Variants in SYNE2 observed in about 807,000 individuals in gnomAD.
The protein encoded by SYNE2 is nesprin-2.
SYNE2 carries 431 observed loss-of-function variants against 856.3 expected under a neutral mutation model. That is an observed-to-expected ratio of 0.50 (90% CI 0.47 to 0.55). The LOEUF is 0.55. SYNE2 is among the 20% of genes least tolerant of loss of function. SYNE2 has a pLI of 0.00. For missense variants in SYNE2, 8,129 were observed against 8,023.2 expected, an observed-to-expected ratio of 1.01 and a Z score of -0.50; for synonymous variants, 2,923 against 2,872.3, an observed-to-expected ratio of 1.02 and a Z score of -0.56.
intron 1 of SYNE2, among the ~76,000 whole-genome samples, chr14:63,868,054 GAAAA>G (rs749826674): frequency 2.0e-5 from 3 of 150,808 alleles, no homozygotes; most frequent in Admixed American, 6.6e-5. Flanking sequence ...TCTAAAAAAA[GAAAA>G]AAAAGAAAAA....
In SYNE2 at chr14:64,167,609, T is replaced by G. The variant is rs372506361; in HGVS notation, c.16875T>G (p.Pro5625=). The G allele has an allele frequency of 7.9e-5, 127 of 1,614,144 alleles. 1 individual carries two copies. Among genetic ancestry groups the G allele is most frequent in the Non-Finnish European group, 8.8e-5 (104 of 1,180,058 alleles). Residue 5625 remains proline, a synonymous_variant, in exon 92 of 116, where the codon CCT becomes CCG. Transcript: ENST00000555002. ...ALKVDVANSL[P]ELLEQQKTYK... ...AAGTGGATGTGGCTAACAGCCTTCC[T>G]GAGCTCCTGGAGCAGCAGAAAACCT...
Position 64,167,270 on chromosome 14 carries a change from T to C in SYNE2, c.16643T>C (p.Ile5548Thr), listed in dbSNP as rs1055990597. Reference sequence around the variant, plus strand: ...GCACTGACAGCCCAATCACCTGATATTGAACATTTGAATGAAGTGAGCCTC... The same window carrying C: ...GCACTGACAGCCCAATCACCTGATACTGAACATTTGAATGAAGTGAGCCTC... Reference protein sequence around the residue: ...VLALTAQSPDIEHLNEVSLKL... With the variant: ...VLALTAQSPDTEHLNEVSLKL... The change falls in exon 91 of 116, where the codon ATT (isoleucine) becomes ACT (threonine). Residue 5548 changes from isoleucine to threonine, a missense_variant. Around this residue, in one of 3 missense-constraint regions of SYNE2, gnomAD observed 5,410 missense variants for 5,284.8 expected, o/e 1.02. Coordinates refer to ENST00000555002, the MANE Select transcript of SYNE2 (RefSeq NM_182914.3). The C allele has an allele frequency of 6.2e-6, 10 of 1,614,106 alleles. No individual in the cohort carries two copies. Among genetic ancestry groups the C allele is most frequent in the South Asian group, 1.1e-5 (1 of 91,090 alleles).
intron 101 of SYNE2, 200 bp from the exon 102 acceptor site, chr14:64,209,228 A>T: frequency 1.1e-6 from 1 of 945,434 alleles, no homozygotes; most frequent in Non-Finnish European, 1.6e-6. Flanking sequence ...TGGTTTTTTA[A>T]CCTCTGTGAA....
intron 7 of SYNE2, among the ~76,000 whole-genome samples, chr14:63,953,885 A>G (rs1026173844): frequency 2.0e-5 from 3 of 152,108 alleles, no homozygotes; most frequent in African/African-American, 7.2e-5. Context: ...ATGGTTTTTA[A>G]GGTTCCTTCA....
chr14:64,149,197 C>G (rs967810243), intron 84 of SYNE2, among the ~76,000 whole-genome samples: 1 of 151,380 alleles, frequency 6.6e-6, no homozygotes. Flanking sequence ...CCTAGCTACT[C>G]GGGAGCTGAG....
intron 1 of SYNE2, among the ~76,000 whole-genome samples, chr14:63,791,850 C>A (rs1244100921): frequency 7.0e-6 from 1 of 142,452 alleles, no homozygotes; most frequent in African/African-American, 2.6e-5. Flanking sequence ...GAGGCTGAGG[C>A]AGGGGAATGG....
chr14:63,818,344 CAAAAAAAAAA>C (rs34448523), intron 1 of SYNE2, among the ~76,000 whole-genome samples: 2 of 86,564 alleles, frequency 2.3e-5, no homozygotes, highest in Non-Finnish European at 4.5e-5. Context: ...GACTCCGTCT[CAAAAAAAAAA>C]AAAAAAAAAA....
At chr14:63,963,365 C>G (rs1263296884) in intron 9 of SYNE2, among the ~76,000 whole-genome samples, 1 of 152,182 alleles carries the variant, frequency 6.6e-6, no homozygotes, top group Non-Finnish European at 1.5e-5. Context: ...TAAGATATAA[C>G]TTCTTTGTCC....
Position 64,003,123 on chromosome 14 carries a change from C to A in SYNE2, c.4190C>A (p.Thr1397Asn), listed in dbSNP as rs760136466. The change falls in exon 30 of 116, where the codon ACC becomes AAC. Residue 1397 changes from threonine to asparagine, a missense_variant. Physicochemically the swap from Thr to Asn is moderately conservative, Grantham distance 65. Around this residue, in one of 3 missense-constraint regions of SYNE2, gnomAD observed 2,422 missense variants for 2,357.4 expected, o/e 1.03. Transcript: ENST00000555002. ...AAAGATGCTGAACGGGGTGATGACA[C>A]CTCCTGTGAAAACCTGCTTGATGCT... ...SFKDAERGDD[T>N]SCENLLDAFS... 8.1e-6 allele frequency: 13 copies of A among 1,614,140 alleles called. No homozygotes were observed. The highest frequency in any genetic ancestry group is 1.6e-4 in the Middle Eastern group (1 of 6,062).
chr14:64,092,550 G>C (rs937819077), intron 60 of SYNE2, among the ~76,000 whole-genome samples: 5 of 152,170 alleles, frequency 3.3e-5, no homozygotes, highest in African/African-American at 1.2e-4. Flanking sequence ...TAAAATTATA[G>C]TTAAATATTA....
intron 2 of SYNE2, among the ~76,000 whole-genome samples, chr14:63,932,975 T>C (rs558872559): frequency 1.3e-5 from 2 of 152,292 alleles, no homozygotes; most frequent in East Asian, 3.9e-4. Flanking sequence ...AATGTTAGGC[T>C]AAGAATTGAT....
intron 48 of SYNE2, among the ~76,000 whole-genome samples, chr14:64,053,999 T>C (rs1032610313): frequency 2.2e-4 from 33 of 152,126 alleles, no homozygotes; most frequent in Admixed American, 1.8e-3. Context: ...TAAAATAAAA[T>C]TGGGCAGTTA....
At chr14:63,884,850 C>T (rs2094946014) in intron 1 of SYNE2, among the ~76,000 whole-genome samples, 1 of 151,902 alleles carries the variant, frequency 6.6e-6, no homozygotes, top group African/African-American at 2.4e-5. Flanking sequence ...CCGGGTTAGC[C>T]AGGATGGTCT....
chr14:63,811,545 G>A (rs1055762099), intron 1 of SYNE2, among the ~76,000 whole-genome samples: 2 of 152,174 alleles, frequency 1.3e-5, no homozygotes, highest in African/African-American at 4.8e-5. Flanking sequence ...TTACAGGAAT[G>A]AGCCACTGCA....
intron 1 of SYNE2, among the ~76,000 whole-genome samples, chr14:63,800,589 C>G (rs1888092293): frequency 6.6e-6 from 1 of 151,994 alleles, no homozygotes; most frequent in African/African-American, 2.4e-5. Flanking sequence ...CGCACCCAGC[C>G]ATAATAATAC....
intron 11 of SYNE2, among the ~76,000 whole-genome samples, chr14:63,969,335 ATTTTTTTTT>A (rs150514197): frequency 1.2e-5 from 1 of 81,644 alleles, no homozygotes; most frequent in Non-Finnish European, 2.3e-5. Context: ...TGCCTGGCTA[ATTTTTTTTT>A]TTTTTTTTTT....
chr14:64,015,659 C>T (rs907324304), intron 32 of SYNE2, among the ~76,000 whole-genome samples: 3 of 151,468 alleles, frequency 2.0e-5, no homozygotes, highest in African/African-American at 7.3e-5. Flanking sequence ...GGTTTTTTTC[C>T]CCTAATGTTC....
At chr14:63,779,686 C>T (rs1303178525) in intron 1 of SYNE2, among the ~76,000 whole-genome samples, 5 of 152,042 alleles carry the variant, frequency 3.3e-5, no homozygotes, top group East Asian at 1.9e-4. Flanking sequence ...CTAAGGTGAG[C>T]GGATTACTTG....
Position 64,081,449 on chromosome 14 carries a change from G to A in SYNE2, c.11353G>A (p.Val3785Ile). ...TCCTGCATCTCTTTCCCAGGCCACA[G>A]TTAAGATGGAGGAATATAGTGACCT... ...CRTSQLNKAT[V>I]KMEEYSDLLK... is the part of the protein sequence containing the mutation. The change falls in exon 57 of 116, where the codon GTT (valine) becomes ATT (isoleucine). Residue 3785 changes from valine (V) to isoleucine (I), a missense_variant. This residue lies in a region of SYNE2 where 5,410 missense variants were observed against 5,284.8 expected (regional missense o/e 1.02). Coordinates refer to ENST00000555002, the MANE Select transcript of SYNE2 (RefSeq NM_182914.3). The A allele has an allele frequency of 2.5e-6, 4 of 1,614,190 alleles. No homozygotes were observed. The highest frequency in any genetic ancestry group is 2.5e-6 in the Non-Finnish European group (3 of 1,180,024).
Sources: allele counts gnomAD v4.1 joint callset (sites outside exome capture counted in the v4.1 genomes callset), GRCh38; gene constraint gnomAD v4.1.1; regional missense constraint gnomAD v4.1.1; transcripts MANE v1.5; gene names NCBI Gene and HGNC (gene_info 2026-07-23, HGNC 2026-07-21).